Variants in MMS22L observed in about 807,000 individuals in gnomAD.
MMS22L encodes protein MMS22-like.
In MMS22L, 74 loss-of-function variants were observed where a neutral mutation model predicts 159.1. That is an observed-to-expected ratio of 0.47 (90% CI 0.39 to 0.56). The LOEUF (loss-of-function observed/expected upper bound fraction) is 0.56, where lower values mean the gene tolerates loss of function less well. Ranked by LOEUF, MMS22L falls within the 20% of genes least tolerant of loss-of-function variation. The pLI, the probability that MMS22L is intolerant of heterozygous loss-of-function variation, is 0.00. For missense variants in MMS22L, 1,351 were observed against 1,422.1 expected, an observed-to-expected ratio of 0.95 and a Z score of 0.80; for synonymous variants, 517 against 506.9, an observed-to-expected ratio of 1.02 and a Z score of -0.27.
chr6:97,259,616 T>G (rs989440947), intron 9 of MMS22L: 1 of 152,192 alleles, frequency 6.6e-6, no homozygotes, highest in African/African-American at 2.4e-5. Flanking sequence ...CATCAGCTCC[T>G]CTGGGTCTTC....
At chr6:97,252,190 G>A (rs564289593) in intron 10 of MMS22L, among the ~76,000 whole-genome samples, 1 of 152,106 alleles carries the variant, frequency 6.6e-6, no homozygotes, top group African/African-American at 2.4e-5. Context: ...ATATCCTAAT[G>A]TGACTAGATT....
Position 97,146,373 on chromosome 6 carries a change from G to T in MMS22L, c.*433C>A, listed in dbSNP as rs1033541932. 1 of 153,510 alleles carries T rather than the reference G, an allele frequency of 6.5e-6. No individual in the cohort carries two copies. The highest frequency in any genetic ancestry group is 1.4e-5 in the Non-Finnish European group (1 of 69,056). The allele number at this position is 153,510 out of a possible 1,614,324, so 9.5% of individuals were successfully genotyped here. On this transcript the variant is annotated 3_prime_UTR_variant, in exon 25 of 25. Coordinates refer to ENST00000683635, the MANE Select transcript of MMS22L (RefSeq NM_001350599.2). ...CCCACCAAAAACACAGTATAGGGTA[G>T]CCAGGTACTTTGAAAAAGTATCATT...
chr6:97,262,330 C>A (rs986661812), intron 9 of MMS22L, among the ~76,000 whole-genome samples: 10 of 151,924 alleles, frequency 6.6e-5, no homozygotes, highest in Non-Finnish European at 1.3e-4. Context: ...TGCAAACCTA[C>A]AAAAATAGAG....
intron 16 of MMS22L, among the ~76,000 whole-genome samples, chr6:97,180,282 T>C (rs1804578355): frequency 1.3e-5 from 2 of 152,090 alleles, no homozygotes; most frequent in Admixed American, 6.5e-5. Context: ...TTTGTATTTT[T>C]AGTAGAGACA....
At chr6:97,279,631 A>G (rs2128102542) in intron 3 of MMS22L, among the ~76,000 whole-genome samples, 2 of 151,046 alleles carry the variant, frequency 1.3e-5, no homozygotes, top group East Asian at 4.0e-4. Context: ...CTAAAAATAC[A>G]CAAAAATTAG....
At chr6:97,269,832 C>A in intron 7 of MMS22L, 70 bp downstream of exon 7, 1 of 1,111,524 alleles carries the variant, frequency 9.0e-7, no homozygotes, top group Non-Finnish European at 1.3e-6. Context: ...GCACTTATTA[C>A]TTATGTAATT....
intron 14 of MMS22L, among the ~76,000 whole-genome samples, chr6:97,204,429 A>C (rs574494814): frequency 6.6e-6 from 1 of 152,212 alleles, no homozygotes; most frequent in Non-Finnish European, 1.5e-5. Flanking sequence ...AGATCACTCT[A>C]AACAGTGAAC....
In MMS22L at chr6:97,146,147, T is replaced by C. The variant is rs1177034495; in HGVS notation, c.*659A>G. The C allele has an allele frequency of 1.3e-5, 2 of 152,058 alleles. No homozygotes were observed. Among genetic ancestry groups the C allele is most frequent in the African/African-American group, 4.8e-5 (2 of 41,428 alleles). The allele number at this position is 152,058 out of a possible 1,614,324, so 9.4% of individuals were successfully genotyped here. On this transcript the variant is annotated 3_prime_UTR_variant, in exon 25 of 25. Coordinates refer to ENST00000683635, the MANE Select transcript of MMS22L (RefSeq NM_001350599.2). ...AGAAAGGATGAATAAAAAAAAAATT[T>C]GGCAACTCTTGGAACCTAAATATAA...
chr6:97,266,809 A>G (rs1384403704), intron 8 of MMS22L: 1 of 152,256 alleles, frequency 6.6e-6, no homozygotes. Flanking sequence ...ATAGAAGCAG[A>G]GTAAGATGAT....
At chr6:97,239,107 G>C (rs1396468105) in intron 11 of MMS22L, among the ~76,000 whole-genome samples, 1 of 151,218 alleles carries the variant, frequency 6.6e-6, no homozygotes, top group Non-Finnish European at 1.5e-5. Flanking sequence ...TTTTAGGAGA[G>C]AATAGAGTTG....
chr6:97,168,100 T>C lies in MMS22L; in HGVS notation c.2980A>G (p.Ile994Val). 4 of 1,611,562 alleles carry C rather than the reference T, an allele frequency of 2.5e-6. No homozygotes were observed. Among genetic ancestry groups the C allele is most frequent in the Non-Finnish European group, 3.4e-6 (4 of 1,178,840 alleles). ...KELPAPMLSAIQKSLPLYLQG... is the reference protein window; with the variant it reads ...KELPAPMLSAVQKSLPLYLQG... ...AGATACAAAGGAAGACTTTTCTGAA[T>C]TGCTGACAACATAGGTGCAGGCAGT... Residue 994 changes from isoleucine to valine, a missense_variant, in exon 20 of 25, where the codon ATT (isoleucine) becomes GTT (valine). Ile to Val is a conservative substitution (Grantham distance 29). Transcript: ENST00000683635.
rs1486487389 is a variant in MMS22L at position 97,263,438 on chromosome 6, G to A, written c.839C>T (p.Ser280Phe). The part of the protein sequence containing the change: ...SLNRYDKVRS[S>F]ESLMSDQCPC... ...ACACTGGTCACTCATTAATGATTCA[G>A]AAGACCTAACCTATAGAAAATAACC... The change falls in exon 9 of 25, where the codon TCT (serine) becomes TTT (phenylalanine). Residue 280 changes from serine to phenylalanine, a missense_variant. By Grantham distance (155) the Ser-to-Phe change is radical. Transcript: ENST00000683635. 8.3e-6 allele frequency: 13 copies of A among 1,559,532 alleles called. No individual in the cohort carries two copies. In the Admixed American group the frequency reaches 1.0e-4, roughly 13 times the overall value.
At chr6:97,244,948 T>G (rs544544922) in intron 11 of MMS22L, among the ~76,000 whole-genome samples, 6 of 152,104 alleles carry the variant, frequency 3.9e-5, no homozygotes, top group African/African-American at 1.4e-4. Flanking sequence ...CTGCCTCTGC[T>G]GCTTCATAAA....
intron 11 of MMS22L, chr6:97,245,886 CACACAT>C (rs55710824): frequency 0.25 from 47,835 of 194,160 alleles, 8,279 homozygotes; most frequent in African/African-American, 0.34. Flanking sequence ...CACACACACA[CACACAT>C]ATAAAGCAAT....
intron 14 of MMS22L, among the ~76,000 whole-genome samples, chr6:97,204,132 A>G (rs1281475393): frequency 6.6e-6 from 1 of 152,210 alleles, no homozygotes; most frequent in East Asian, 1.9e-4. Flanking sequence ...TGTTTATTAA[A>G]CAATATTATT....
chr6:97,194,978 T>A (rs185973213), intron 14 of MMS22L, among the ~76,000 whole-genome samples: 63 of 152,202 alleles, frequency 4.1e-4, no homozygotes, highest in East Asian at 1.3e-3. Context: ...GAGAGACAGA[T>A]AATTAAACAT....
intron 14 of MMS22L, among the ~76,000 whole-genome samples, chr6:97,213,224 T>A (rs1216404426): frequency 6.6e-6 from 1 of 152,062 alleles, no homozygotes; most frequent in African/African-American, 2.4e-5. Flanking sequence ...CTGACCAACA[T>A]GGAAAAACCC....
At chr6:97,270,427 A>T (rs1302919962) in intron 6 of MMS22L, 1 of 331,140 alleles carries the variant, frequency 3.0e-6, no homozygotes, top group Non-Finnish European at 5.9e-6. Flanking sequence ...TCATGTAGAC[A>T]TTATTGTCAT....
intron 14 of MMS22L, among the ~76,000 whole-genome samples, chr6:97,227,841 C>T (rs768286006): frequency 6.6e-6 from 1 of 152,138 alleles, no homozygotes; most frequent in African/African-American, 2.4e-5. Context: ...GGTAAAACTG[C>T]TATGTGAAAA....
Sources: allele counts gnomAD v4.1 joint callset (sites outside exome capture counted in the v4.1 genomes callset), GRCh38; gene constraint gnomAD v4.1.1; transcripts MANE v1.5; gene names NCBI Gene and HGNC (gene_info 2026-07-23, HGNC 2026-07-21).